UBR1: variants seen among roughly 807,000 people sequenced by gnomAD.
The protein encoded by UBR1 is ubiquitin protein ligase E3 component n-recognin 1, also known as E3 ubiquitin-protein ligase UBR1.
Under a neutral mutation model 242.1 loss-of-function variants are expected in UBR1, and 102 were observed. The observed-to-expected ratio is 0.42, with a 90% CI of 0.36 to 0.50. UBR1 has a LOEUF of 0.50. Ranked by LOEUF, UBR1 falls within the 20% of genes least tolerant of loss-of-function variation. The pLI is 0.01. For missense variants in UBR1, 1,772 were observed against 2,101.8 expected, an observed-to-expected ratio of 0.84 and a Z score of 3.07; for synonymous variants, 675 against 684.8, an observed-to-expected ratio of 0.99 and a Z score of 0.22.
chr15:43,057,638 G>C (rs962179314), intron 10 of UBR1, among the ~76,000 whole-genome samples: 1 of 152,166 alleles, frequency 6.6e-6, no homozygotes, highest in African/African-American at 2.4e-5. Context: ...AAACTAAGTA[G>C]AACTCTTGGC....
intron 15 of UBR1, among the ~76,000 whole-genome samples, chr15:43,040,699 A>T (rs1479105291): frequency 1.3e-5 from 2 of 152,246 alleles, no homozygotes; most frequent in Non-Finnish European, 2.9e-5. Context: ...TACTCATCTG[A>T]CAAAGGGCTA....
intron 1 of UBR1, among the ~76,000 whole-genome samples, chr15:43,087,593 A>G (rs924776345): frequency 2.0e-5 from 3 of 152,160 alleles, no homozygotes; most frequent in Admixed American, 6.5e-5. Flanking sequence ...TTTATGGAAA[A>G]TATGTTTAGA....
At position 43,025,456 on chromosome 15, in the gene UBR1, A is replaced by G. The variant is rs368162144; in HGVS notation, c.2536-27T>C. The G allele has an allele frequency of 1.1e-5, 17 of 1,543,952 alleles. No homozygotes were observed. The African/African-American group carries it at 2.0e-4, about 18-fold the overall frequency. On this transcript the variant is annotated intron_variant, in intron 23 of 46. Transcript: ENST00000290650. ...TATAAAAAAATCTATCATTAAATAT[A>G]CTGCTTTGGAAGCATGAAACAAATG...
chr15:42,998,970 C>T (rs1327248048), intron 32 of UBR1, among the ~76,000 whole-genome samples: 1 of 136,766 alleles, frequency 7.3e-6, no homozygotes. Flanking sequence ...TGGAGTCTCA[C>T]TCTGTCGCCA....
At chr15:43,062,280 T>A (rs1368060806) in intron 6 of UBR1, among the ~76,000 whole-genome samples, 6 of 152,178 alleles carry the variant, frequency 3.9e-5, no homozygotes, top group Non-Finnish European at 7.3e-5. Context: ...AAATATGGTG[T>A]GTGTGTATAT....
In UBR1 at chr15:43,047,149, A is replaced by T; in HGVS notation, c.1668+12T>A. 6.2e-7 allele frequency: 1 copy of T among 1,614,060 alleles called. No individual in the cohort carries two copies. The highest frequency in any genetic ancestry group is 2.2e-5 in the East Asian group (1 of 44,876). On this transcript the variant is annotated intron_variant, in intron 14 of 46. Transcript: ENST00000290650. ...TAAAAAGGCACTGATCCTACTAACAAATTTTACTTACATCACAAGCACACC... is the reference window on the plus strand; with the variant it reads ...TAAAAAGGCACTGATCCTACTAACATATTTTACTTACATCACAAGCACACC...
intron 33 of UBR1, among the ~76,000 whole-genome samples, chr15:42,990,380 G>T (rs1389875085): frequency 2.0e-5 from 3 of 152,198 alleles, no homozygotes; most frequent in African/African-American, 7.2e-5. Context: ...GTCTTCCTCT[G>T]CTGGCCAGGC....
chr15:43,049,106 T>C (rs2033521185), intron 12 of UBR1, among the ~76,000 whole-genome samples: 1 of 152,202 alleles, frequency 6.6e-6, no homozygotes. Context: ...GAAGTAATTA[T>C]TAACAAGTAT....
chr15:43,039,393 C>T (rs2033386702), intron 15 of UBR1, among the ~76,000 whole-genome samples: 2 of 152,210 alleles, frequency 1.3e-5, no homozygotes. Context: ...AGGTCCTTCA[C>T]ATCCCTTGTA....
chr15:43,025,430 C>T lies in UBR1; in HGVS notation c.2536-1G>A. 1 of 1,603,052 alleles carries T rather than the reference C, an allele frequency of 6.2e-7. No homozygotes were observed. ...TCCTTTTCTTCTGCATATGTTCAGC[C>T]TATAAAAAAATCTATCATTAAATAT... On this transcript the variant is annotated splice_acceptor_variant, in intron 23 of 46. Transcript: ENST00000290650. LOFTEE classifies it high-confidence loss of function.
intron 3 of UBR1, among the ~76,000 whole-genome samples, chr15:43,079,499 G>A (rs945041140): frequency 1.1e-4 from 16 of 151,130 alleles, no homozygotes; most frequent in Middle Eastern, 3.5e-3. Flanking sequence ...CCTGAGGGTG[G>A]CCAGGAGCAG....
At chr15:42,959,163 C>T (rs371379584) in intron 43 of UBR1, among the ~76,000 whole-genome samples, 1 of 152,132 alleles carries the variant, frequency 6.6e-6, no homozygotes, top group African/African-American at 2.4e-5. Context: ...TTCTTTTCAT[C>T]TTCAATTCAG....
rs773701351 is a variant in UBR1 at position 43,002,597 on chromosome 15, G to A, written c.3617C>T (p.Thr1206Ile). Residue 1206 changes from threonine to isoleucine, a missense_variant, in exon 32 of 47, where the codon ACT becomes ATT. Coordinates refer to ENST00000290650, the MANE Select transcript of UBR1 (RefSeq NM_174916.3). ...LCPLCKSLCN[T>I]VIPIIPLQPQ... ...TTGCAAAGGAATAATGGGGATCACA[G>A]TATTGCACAGAGATTTGCAAAGAGG... is the stretch of plus-strand genomic sequence containing the variant. 5 of 1,614,166 alleles carry A rather than the reference G, an allele frequency of 3.1e-6. 1 individual carries two copies. In the South Asian group the frequency reaches 5.5e-5, roughly 18 times the overall value.
chr15:42,980,843 C>T (rs1209013374), intron 37 of UBR1, among the ~76,000 whole-genome samples: 2 of 152,146 alleles, frequency 1.3e-5, no homozygotes, highest in Non-Finnish European at 2.9e-5. Context: ...CTCAAATGAT[C>T]TGCTCACCTT....
chr15:43,055,776 G>A (rs1234544613), intron 11 of UBR1, among the ~76,000 whole-genome samples: 3 of 151,998 alleles, frequency 2.0e-5, no homozygotes, highest in African/African-American at 7.3e-5. Context: ...TCAACCAGGC[G>A]TGGTGGTGCC....
chr15:43,067,151 C>T (rs1363743708), intron 6 of UBR1, among the ~76,000 whole-genome samples: 1 of 152,092 alleles, frequency 6.6e-6, no homozygotes, highest in Non-Finnish European at 1.5e-5. Flanking sequence ...AGATATTACA[C>T]ATAAAGTATA....
At position 43,018,088 on chromosome 15, in the gene UBR1, C is replaced by T. The variant is rs542395152; in HGVS notation, c.2941-907G>A. ...TGCAATCTTGGCTCACTGCAAGCTA[C>T]GCCTCTTGGGTACATGCCATTCTCC... On this transcript the variant is annotated intron_variant, in intron 27 of 46. Coordinates refer to ENST00000290650, the MANE Select transcript of UBR1 (RefSeq NM_174916.3). Among the ~76,000 whole-genome samples, 12 of 150,178 alleles carry T rather than the reference C, an allele frequency of 8.0e-5. No homozygotes were observed. The East Asian group carries it at 2.0e-3, about 25-fold the overall frequency.
intron 38 of UBR1, 69 bp downstream of exon 38, chr15:42,977,811 G>T (rs2032313652): frequency 7.5e-7 from 1 of 1,337,284 alleles, no homozygotes; most frequent in Non-Finnish European, 1.1e-6. Context: ...CAAAGGGCAT[G>T]AATTTAAATG....
intron 27 of UBR1, among the ~76,000 whole-genome samples, chr15:43,020,855 TGTC>T (rs747288377): frequency 6.6e-6 from 1 of 152,346 alleles, no homozygotes; most frequent in South Asian, 2.1e-4. Context: ...TTAGCTCTAA[TGTC>T]GTGTTTTGAG....
Sources: gnomAD v4.1 joint callset for allele counts (sites outside exome capture counted in the v4.1 genomes callset) on GRCh38, gnomAD v4.1.1 for gene constraint, MANE v1.5 for transcripts, NCBI Gene and HGNC (gene_info 2026-07-23, HGNC 2026-07-21) for gene names.